The following XXYLT1 variants were observed in gnomAD, a reference collection of about 807,000 sequenced individuals.
The protein encoded by XXYLT1 is UDP-xylose:alpha-xyloside alpha-1,3-xylosyltransferase.
XXYLT1 carries 20 observed loss-of-function variants against 28.9 expected under a neutral mutation model. The observed-to-expected ratio is 0.69, with a 90% confidence interval of 0.49 to 1.00. The LOEUF (loss-of-function observed/expected upper bound fraction) is 1.00. XXYLT1 is among the 50% of genes least tolerant of loss of function. XXYLT1 has a pLI of 0.00. For synonymous variants in XXYLT1, 257 were observed against 253.8 expected, an observed-to-expected ratio of 1.01 and a Z score of -0.12; for missense variants, 542 against 560.1, an observed-to-expected ratio of 0.97 and a Z score of 0.33.
intron 2 of XXYLT1, among the ~76,000 whole-genome samples, chr3:195,199,567 C>G (rs1251529393): frequency 6.6e-6 from 1 of 151,904 alleles, no homozygotes; most frequent in Non-Finnish European, 1.5e-5. Context: ...GCTGAGATCA[C>G]ACCACTGCAC....
chr3:195,120,284 GC>G (rs3073308), intron 3 of XXYLT1, among the ~76,000 whole-genome samples: 4,166 of 111,724 alleles, frequency 0.037, 123 homozygotes, highest in Middle Eastern at 0.15. Flanking sequence ...CTGCTCAGAT[GC>G]CCCCCCCGCC....
chr3:195,081,462 C>T lies in XXYLT1; in HGVS notation c.786-11351G>A, dbSNP rs528378005. ...AGGGAGGCCCAGCTCCGCCACCTTC[C>T]ATCGGTCTAGGGTGGAGGGAAGGCC... is the stretch of plus-strand genomic sequence containing the variant. On this transcript the variant is annotated intron_variant, in intron 3 of 3. Transcript: ENST00000310380. 2.6e-5 allele frequency among the ~76,000 whole-genome samples: 4 copies of T among 152,260 alleles called. No individual in the cohort carries two copies. The South Asian group carries it at 6.2e-4, about 24-fold the overall frequency.
Position 195,155,992 on chromosome 3 carries a change from G to A in XXYLT1, c.785+457C>T, listed in dbSNP as rs116624636. 1.4e-3 allele frequency among the ~76,000 whole-genome samples: 214 copies of A among 152,272 alleles called. 1 individual carries two copies. The highest frequency in any genetic ancestry group is 4.9e-3 in the African/African-American group (204 of 41,550). On this transcript the variant is annotated intron_variant, in intron 3 of 3. Transcript: ENST00000310380. Reference sequence around the variant, plus strand: ...AGCATCATGCGGAATGCGCTTCTTCGTGCTGACTACTGATGCCAGTCTGTG... The same window carrying A: ...AGCATCATGCGGAATGCGCTTCTTCATGCTGACTACTGATGCCAGTCTGTG...
At chr3:195,230,132 A>C (rs1724236953) in intron 1 of XXYLT1, among the ~76,000 whole-genome samples, 2 of 152,236 alleles carry the variant, frequency 1.3e-5, no homozygotes, top group Non-Finnish European at 2.9e-5. Context: ...TCTGATGATC[A>C]ATGATGTTGA....
At chr3:195,238,141 C>T (rs763735836) in intron 1 of XXYLT1, among the ~76,000 whole-genome samples, 2 of 152,194 alleles carry the variant, frequency 1.3e-5, no homozygotes, top group Admixed American at 6.5e-5. Flanking sequence ...GTTCTGGCCC[C>T]GTCCCCCGAC....
At chr3:195,190,443 C>T (rs1349365322) in intron 2 of XXYLT1, among the ~76,000 whole-genome samples, 2 of 138,648 alleles carry the variant, frequency 1.4e-5, no homozygotes, top group African/African-American at 2.8e-5. Flanking sequence ...TGCAGTGAGC[C>T]GAGTTATGCT....
chr3:195,194,444 T>G lies in XXYLT1; in HGVS notation c.652+32265A>C, dbSNP rs1483574369. Among the ~76,000 whole-genome samples, 3 of 152,236 alleles carry G rather than the reference T, an allele frequency of 2.0e-5. No individual in the cohort carries two copies. The East Asian group carries it at 5.8e-4, about 29-fold the overall frequency. ...AATGTTAGAGAAGTTGTGGAAAAAC[T>G]GGAGCCCTCATGCCTCCCAGAAGGG... On this transcript the variant is annotated intron_variant, in intron 2 of 3. Transcript: ENST00000310380.
chr3:195,112,585 A>G (rs545258487), intron 3 of XXYLT1, among the ~76,000 whole-genome samples: 12 of 126,118 alleles, frequency 9.5e-5, no homozygotes, highest in South Asian at 9.2e-4. Flanking sequence ...ACACGCACGC[A>G]CACACACACA....
chr3:195,178,787 T>C (rs990542614), intron 2 of XXYLT1, among the ~76,000 whole-genome samples: 1 of 152,178 alleles, frequency 6.6e-6, no homozygotes, highest in African/African-American at 2.4e-5. Context: ...AGGGAGCACA[T>C]GGGGAAGCCG....
chr3:195,220,011 G>T (rs544783205), intron 2 of XXYLT1, among the ~76,000 whole-genome samples: 1 of 152,330 alleles, frequency 6.6e-6, no homozygotes, highest in African/African-American at 2.4e-5. Context: ...CAGGAAACGA[G>T]CAGGCTGGGG....
chr3:195,109,626 G>GC (rs1717364810), intron 3 of XXYLT1, among the ~76,000 whole-genome samples: 1 of 122,316 alleles, frequency 8.2e-6, no homozygotes, highest in African/African-American at 3.0e-5. Context: ...GAGTGTGTGT[G>GC]GTGTCTGTGT....
At chr3:195,087,493 T>C (rs748380210) in intron 3 of XXYLT1, 2 of 152,278 alleles carry the variant, frequency 1.3e-5, no homozygotes, top group African/African-American at 4.8e-5. Context: ...CTGGAGCTGG[T>C]AGAGCACAGA....
At chr3:195,251,300 C>T (rs1211235776) in intron 1 of XXYLT1, among the ~76,000 whole-genome samples, 6 of 152,364 alleles carry the variant, frequency 3.9e-5, no homozygotes, top group South Asian at 4.1e-4. Context: ...TAGAGCCAAG[C>T]GGTCACCCAA....
At position 195,226,829 on chromosome 3, in the gene XXYLT1, T is replaced by C; in HGVS notation, c.532A>G (p.Thr178Ala). ...KVIFHDVAVLTDKLFPIVEAM... is the reference protein window; with the variant it reads ...KVIFHDVAVLADKLFPIVEAM... ...TCCACGATGGGGAAGAGCTTATCCGTCAGCACAGCAACATCGTGGAAGATG... is the reference window on the plus strand; with the variant it reads ...TCCACGATGGGGAAGAGCTTATCCGCCAGCACAGCAACATCGTGGAAGATG... Residue 178 changes from threonine (T) to alanine (A), a missense_variant, in exon 2 of 4, where the codon ACG (threonine) becomes GCG (alanine). Transcript: ENST00000310380. The C allele has an allele frequency of 6.2e-7, 1 of 1,613,220 alleles. No individual in the cohort carries two copies. The highest frequency in any genetic ancestry group is 8.5e-7 in the Non-Finnish European group (1 of 1,179,912).
chr3:195,211,059 G>A (rs187159173), intron 2 of XXYLT1, among the ~76,000 whole-genome samples: 43 of 152,264 alleles, frequency 2.8e-4, no homozygotes, highest in African/African-American at 9.1e-4. Flanking sequence ...CAGAAGCTGC[G>A]GGATTCCACC....
At chr3:195,246,411 AC>A (rs2108833291) in intron 1 of XXYLT1, among the ~76,000 whole-genome samples, 1 of 152,186 alleles carries the variant, frequency 6.6e-6, no homozygotes, top group East Asian at 1.9e-4. Context: ...AGAGACGAAG[AC>A]CGTGTAAGCA....
intron 1 of XXYLT1, among the ~76,000 whole-genome samples, chr3:195,234,629 T>G (rs950815358): frequency 8.5e-5 from 13 of 152,240 alleles, no homozygotes; most frequent in African/African-American, 2.2e-4. Context: ...TGAAGGATAT[T>G]TTTGCCATAT....
At chr3:195,151,449 G>A (rs1310187224) in intron 3 of XXYLT1, among the ~76,000 whole-genome samples, 1 of 152,160 alleles carries the variant, frequency 6.6e-6, no homozygotes, top group African/African-American at 2.4e-5. Flanking sequence ...AGAACTTCTT[G>A]AACCTGGGAG....
At chr3:195,253,493 CT>C (rs937699062) in intron 1 of XXYLT1, among the ~76,000 whole-genome samples, 1 of 143,976 alleles carries the variant, frequency 6.9e-6, no homozygotes, top group African/African-American at 2.6e-5. Context: ...GCTCACATTT[CT>C]TTTTTTTTCT....
Sources: gnomAD v4.1 joint callset for allele counts (sites outside exome capture counted in the v4.1 genomes callset) on GRCh38, gnomAD v4.1.1 for gene constraint, MANE v1.5 for transcripts, NCBI Gene and HGNC (gene_info 2026-07-23, HGNC 2026-07-21) for gene names.